The following CHRM3 variants were observed in gnomAD, a reference collection of about 807,000 sequenced individuals.
CHRM3 encodes the protein cholinergic receptor muscarinic 3.
Under a neutral mutation model 41.8 loss-of-function variants are expected in CHRM3, and 11 were observed. The ratio of observed to expected loss-of-function variants is 0.26; its 90% CI spans 0.17 to 0.44. The LOEUF (loss-of-function observed/expected upper bound fraction) is 0.44. Ranked by LOEUF, CHRM3 falls within the 20% of genes least tolerant of loss-of-function variation. CHRM3 has a pLI of 1.00. For missense variants in CHRM3, 571 were observed against 745.4 expected, an observed-to-expected ratio of 0.77 and a Z score of 2.72; for synonymous variants, 297 against 301.4, an observed-to-expected ratio of 0.99 and a Z score of 0.15.
chr1:239,794,329 A>G (rs1572316713), intron 5 of CHRM3, among the ~76,000 whole-genome samples: 1 of 152,016 alleles, frequency 6.6e-6, no homozygotes, highest in East Asian at 1.9e-4. Flanking sequence ...AAGTTTAACA[A>G]ACACCTTAGT....
chr1:239,675,259 A>G (rs1183794288), intron 4 of CHRM3, among the ~76,000 whole-genome samples: 1 of 152,242 alleles, frequency 6.6e-6, no homozygotes, highest in Non-Finnish European at 1.5e-5. Flanking sequence ...AATGCTTCGT[A>G]CAGTCCAATT....
At chr1:239,713,905 G>A (rs1047040610) in intron 5 of CHRM3, among the ~76,000 whole-genome samples, 24 of 152,252 alleles carry the variant, frequency 1.6e-4, no homozygotes, top group African/African-American at 4.6e-4. Flanking sequence ...CCAGAGAAAT[G>A]TATGTACCTC....
chr1:239,578,559 G>A (rs1393726604), intron 3 of CHRM3, among the ~76,000 whole-genome samples: 1 of 152,176 alleles, frequency 6.6e-6, no homozygotes, highest in African/African-American at 2.4e-5. Context: ...TCAAATGATA[G>A]TCTTTGGCAT....
At chr1:239,833,993 CTA>C (rs1673092523) in intron 6 of CHRM3, among the ~76,000 whole-genome samples, 1 of 152,164 alleles carries the variant, frequency 6.6e-6, no homozygotes, top group Admixed American at 6.6e-5. Flanking sequence ...AGATTACTTT[CTA>C]TCTGTATGCA....
intron 2 of CHRM3, among the ~76,000 whole-genome samples, chr1:239,495,193 C>T (rs539568196): frequency 3.9e-5 from 6 of 152,032 alleles, no homozygotes; most frequent in Non-Finnish European, 8.8e-5. Context: ...TTGGTTGCTT[C>T]GAATATTGTA....
intron 6 of CHRM3, among the ~76,000 whole-genome samples, chr1:239,874,326 T>TATATATATATATATATATATATAC (rs1327295792): frequency 1.6e-5 from 2 of 121,988 alleles, no homozygotes; most frequent in East Asian, 2.5e-4. Flanking sequence ...TATATATATA[T>TATATATATATATATATATATATAC]ACACAGTTGA....
intron 4 of CHRM3, among the ~76,000 whole-genome samples, chr1:239,649,561 G>A (rs533466725): frequency 6.6e-6 from 1 of 152,292 alleles, no homozygotes; most frequent in South Asian, 2.1e-4. Flanking sequence ...AACATTGTAT[G>A]ATAGTGGCTG....
chr1:239,592,994 C>T (rs559936666), intron 3 of CHRM3, among the ~76,000 whole-genome samples: 14 of 152,234 alleles, frequency 9.2e-5, no homozygotes, highest in Non-Finnish European at 1.9e-4. Flanking sequence ...AAGCCAGAAA[C>T]TCACCTATCA....
intron 5 of CHRM3, among the ~76,000 whole-genome samples, chr1:239,729,109 G>A (rs1663719095): frequency 6.6e-6 from 1 of 151,908 alleles, no homozygotes; most frequent in African/African-American, 2.4e-5. Flanking sequence ...TGGTCCTTAA[G>A]TACAAACCAA....
At chr1:239,486,521 G>A (rs1021451478) in intron 1 of CHRM3, among the ~76,000 whole-genome samples, 16 of 152,128 alleles carry the variant, frequency 1.1e-4, no homozygotes, top group Non-Finnish European at 2.4e-4. Flanking sequence ...ACCAGAATTG[G>A]CAAACTTTAT....
intron 3 of CHRM3, among the ~76,000 whole-genome samples, chr1:239,557,327 C>T (rs1660454768): frequency 6.6e-6 from 1 of 152,136 alleles, no homozygotes; most frequent in Non-Finnish European, 1.5e-5. Context: ...TCAACTATGG[C>T]AATAAATATT....
intron 5 of CHRM3, among the ~76,000 whole-genome samples, chr1:239,805,022 C>G (rs1488553484): frequency 6.6e-6 from 1 of 152,166 alleles, no homozygotes; most frequent in Admixed American, 6.5e-5. Context: ...TGCCCGTTTC[C>G]TTAACTCTTA....
chr1:239,574,050 A>C (rs1662094805), intron 3 of CHRM3, among the ~76,000 whole-genome samples: 1 of 152,128 alleles, frequency 6.6e-6, no homozygotes, highest in Non-Finnish European at 1.5e-5. Flanking sequence ...ATCTAAAAGC[A>C]ATGCAAGCAG....
At chr1:239,740,459 G>A (rs555557660) in intron 5 of CHRM3, among the ~76,000 whole-genome samples, 1 of 145,564 alleles carries the variant, frequency 6.9e-6, no homozygotes, top group Non-Finnish European at 1.5e-5. Context: ...ATTGAGGGTG[G>A]TTTTTTTTTT....
intron 1 of CHRM3, among the ~76,000 whole-genome samples, chr1:239,489,568 G>A (rs958230821): frequency 1.3e-5 from 2 of 152,192 alleles, no homozygotes; most frequent in Admixed American, 1.3e-4. Flanking sequence ...TAGAGGAACA[G>A]GATAGCTTTT....
chr1:239,696,503 C>T (rs1278358752), intron 5 of CHRM3, among the ~76,000 whole-genome samples: 1 of 152,064 alleles, frequency 6.6e-6, no homozygotes, highest in Non-Finnish European at 1.5e-5. Flanking sequence ...TTTCAACTTC[C>T]TCATCTTTAA....
intron 3 of CHRM3, among the ~76,000 whole-genome samples, chr1:239,622,326 T>C (rs1668468356): frequency 6.6e-6 from 1 of 152,168 alleles, no homozygotes; most frequent in Admixed American, 6.5e-5. Context: ...GGCTTTTAAG[T>C]CTTACTATTT....
chr1:239,748,594 G>A lies in CHRM3; in HGVS notation c.-147+70306G>A, dbSNP rs1014471032. On this transcript the variant is annotated intron_variant, in intron 5 of 6. Transcript: ENST00000676153. This position sits in a 1 kb window ranked among gnomAD's most constrained non-coding sequence, Gnocchi z 4.3. ...AGGTCAGAAAAATTTAAACTACGAAGTTATTAACCAGAATCAATTTGTGTA... is the reference window on the plus strand; with the variant it reads ...AGGTCAGAAAAATTTAAACTACGAAATTATTAACCAGAATCAATTTGTGTA... Among the ~76,000 whole-genome samples the A allele has an allele frequency of 6.6e-6, 1 of 152,142 alleles. No homozygotes were observed. Among genetic ancestry groups the A allele is most frequent in the Non-Finnish European group, 1.5e-5 (1 of 68,026 alleles).
At chr1:239,416,976 T>C (rs541004183) in intron 1 of CHRM3, among the ~76,000 whole-genome samples, 4 of 152,286 alleles carry the variant, frequency 2.6e-5, no homozygotes, top group African/African-American at 9.6e-5. Flanking sequence ...GGATGAACTA[T>C]AATGTCTTGA....
Sources: allele counts gnomAD v4.1 joint callset (sites outside exome capture counted in the v4.1 genomes callset), GRCh38; gene constraint gnomAD v4.1.1; non-coding constraint Gnocchi (gnomAD v3.1); transcripts MANE v1.5; gene names NCBI Gene and HGNC (gene_info 2026-07-23, HGNC 2026-07-21).